Variants in NRXN1 observed in about 807,000 individuals in gnomAD.
The protein encoded by NRXN1 is neurexin-1.
NRXN1 carries 39 observed loss-of-function variants against 150.9 expected under a neutral mutation model. That is an observed-to-expected ratio of 0.26 (90% CI 0.20 to 0.34). The LOEUF (loss-of-function observed/expected upper bound fraction) is 0.34, where lower values mean the gene tolerates loss of function less well. Ranked by LOEUF, NRXN1 falls within the 10% of genes least tolerant of loss-of-function variation. The pLI is 1.00. For synonymous variants in NRXN1, 924 were observed against 757.0 expected (o/e 1.22, Z -3.62); for missense variants, 1,815 against 1,949.9 (o/e 0.93, Z 1.30).
intron 12 of NRXN1, among the ~76,000 whole-genome samples, chr2:50,513,318 T>C (rs1460513649): frequency 6.6e-6 from 1 of 152,170 alleles, no homozygotes; most frequent in Admixed American, 6.6e-5. Context: ...CTATACACTA[T>C]ATAAAAATGT....
chr2:50,368,929 G>T (rs191041314), intron 17 of NRXN1, among the ~76,000 whole-genome samples: 1 of 151,912 alleles, frequency 6.6e-6, no homozygotes, highest in Non-Finnish European at 1.5e-5. Flanking sequence ...TTTAGATAAA[G>T]AAATTATAGC....
At chr2:50,935,497 G>T (rs1383392468) in intron 2 of NRXN1, among the ~76,000 whole-genome samples, 1 of 152,132 alleles carries the variant, frequency 6.6e-6, no homozygotes, top group South Asian at 2.1e-4. Flanking sequence ...CACTTCGGGA[G>T]GCCAAGGCAG....
chr2:50,452,800 A>G (rs1216722820), intron 17 of NRXN1, among the ~76,000 whole-genome samples: 1 of 152,206 alleles, frequency 6.6e-6, no homozygotes, highest in Non-Finnish European at 1.5e-5. Flanking sequence ...TGAAACTTTA[A>G]TTCTCAATCT....
chr2:50,794,691 GTATT>G (rs1352198618), intron 5 of NRXN1, among the ~76,000 whole-genome samples: 1 of 152,104 alleles, frequency 6.6e-6, no homozygotes, highest in African/African-American at 2.4e-5. Context: ...CTACCTCAGT[GTATT>G]TAAAGTATGC....
intron 2 of NRXN1, among the ~76,000 whole-genome samples, chr2:50,979,841 T>G (rs554239755): frequency 6.6e-6 from 1 of 152,282 alleles, no homozygotes; most frequent in Admixed American, 6.6e-5. Flanking sequence ...TAATATCTAT[T>G]TTCCTGAAAG....
intron 5 of NRXN1, among the ~76,000 whole-genome samples, chr2:50,829,010 C>G (rs1278229884): frequency 1.3e-5 from 2 of 152,182 alleles, no homozygotes; most frequent in East Asian, 1.9e-4. Context: ...GCGGATCACT[C>G]GCGGTTAGGA....
chr2:50,655,022 G>A (rs1186561461), intron 5 of NRXN1, among the ~76,000 whole-genome samples: 1 of 151,930 alleles, frequency 6.6e-6, no homozygotes, highest in South Asian at 2.1e-4. Context: ...GCAACCTGGA[G>A]AAAACATGTC....
At chr2:50,958,801 A>G (rs2104666708) in intron 2 of NRXN1, among the ~76,000 whole-genome samples, 2 of 152,260 alleles carry the variant, frequency 1.3e-5, no homozygotes, top group Non-Finnish European at 2.9e-5. Flanking sequence ...GTCAGCAATC[A>G]TTCAGCAGCT....
chr2:50,019,617 G>A (rs2152557583), intron 21 of NRXN1, among the ~76,000 whole-genome samples: 1 of 107,110 alleles, frequency 9.3e-6, no homozygotes, highest in South Asian at 3.3e-4. Flanking sequence ...ACTCCAGCCT[G>A]TAAGAAGGAG....
At chr2:50,958,209 T>C (rs1411121882) in intron 2 of NRXN1, among the ~76,000 whole-genome samples, 5 of 152,156 alleles carry the variant, frequency 3.3e-5, no homozygotes, top group Admixed American at 3.3e-4. Flanking sequence ...GAGAGATTCC[T>C]ATGTTCAACA....
At chr2:50,424,411 A>T (rs2104299115) in intron 17 of NRXN1, among the ~76,000 whole-genome samples, 1 of 151,846 alleles carries the variant, frequency 6.6e-6, no homozygotes, top group African/African-American at 2.4e-5. Flanking sequence ...AATCAGAGAG[A>T]CGGTACCTGG....
chr2:50,887,182 A>G lies in NRXN1; in HGVS notation c.832+34687T>C, dbSNP rs1474124351. 1.4e-4 allele frequency among the ~76,000 whole-genome samples: 21 copies of G among 151,486 alleles called. No homozygotes were observed. The Admixed American group carries it at 1.4e-3, about 10-fold the overall frequency. On this transcript the variant is annotated intron_variant, in intron 5 of 22. Coordinates refer to ENST00000401669, the MANE Select transcript of NRXN1 (RefSeq NM_001330078.2). Reference sequence around the variant, plus strand: ...GGATTTGACCAACTACAATTACGTTAGACTGTTCTCCATTTCTAAATAAAG... The same window carrying G: ...GGATTTGACCAACTACAATTACGTTGGACTGTTCTCCATTTCTAAATAAAG...
chr2:50,765,861 G>C (rs765595000), intron 5 of NRXN1, among the ~76,000 whole-genome samples: 2 of 152,000 alleles, frequency 1.3e-5, no homozygotes, highest in Non-Finnish European at 2.9e-5. Flanking sequence ...AAAGATACAG[G>C]TGGAAGAATT....
intron 2 of NRXN1, among the ~76,000 whole-genome samples, chr2:51,004,482 C>T (rs898358036): frequency 6.6e-6 from 1 of 151,618 alleles, no homozygotes; most frequent in African/African-American, 2.4e-5. Flanking sequence ...TTTCAGAAAA[C>T]TAGGCTTTAT....
At chr2:50,614,978 G>A (rs1678832781) in intron 8 of NRXN1, among the ~76,000 whole-genome samples, 1 of 152,110 alleles carries the variant, frequency 6.6e-6, no homozygotes, top group African/African-American at 2.4e-5. Flanking sequence ...TTTCATTAAG[G>A]AATCAATCAT....
At chr2:50,820,453 T>C (rs1219361611) in intron 5 of NRXN1, among the ~76,000 whole-genome samples, 2 of 152,224 alleles carry the variant, frequency 1.3e-5, no homozygotes, top group East Asian at 3.9e-4. Flanking sequence ...GACTGTAATA[T>C]TGCTCAGCTG....
intron 18 of NRXN1, among the ~76,000 whole-genome samples, chr2:50,172,305 G>A (rs1472111496): frequency 6.6e-6 from 1 of 152,034 alleles, no homozygotes; most frequent in East Asian, 1.9e-4. Context: ...TAGAAAAATA[G>A]AAGTAATAAC....
intron 18 of NRXN1, among the ~76,000 whole-genome samples, chr2:50,166,279 A>ATGTGTGTGTGTGTGTGTGTG (rs70946894): frequency 1.8e-3 from 242 of 131,480 alleles, no homozygotes; most frequent in South Asian, 2.8e-3. Context: ...TACTCAACGT[A>ATGTGTGTGTGTGTGTGTGTG]TGTGTGTGTG....
intron 21 of NRXN1, among the ~76,000 whole-genome samples, chr2:49,947,133 C>G (rs1673056064): frequency 6.6e-6 from 1 of 152,046 alleles, no homozygotes; most frequent in Non-Finnish European, 1.5e-5. Context: ...TTTTTTCCCC[C>G]CGGACCAACA....
Sources: gnomAD v4.1 joint callset for allele counts (sites outside exome capture counted in the v4.1 genomes callset) on GRCh38, gnomAD v4.1.1 for gene constraint, MANE v1.5 for transcripts, NCBI Gene and HGNC (gene_info 2026-07-23, HGNC 2026-07-21) for gene names.